SGCZ: variants seen among roughly 807,000 people sequenced by gnomAD.
SGCZ encodes zeta-sarcoglycan.
Under a neutral mutation model 41.3 loss-of-function variants are expected in SGCZ, and 40 were observed. That is an observed-to-expected ratio of 0.97 (90% CI 0.75 to 1.26). The LOEUF (loss-of-function observed/expected upper bound fraction) is 1.26. Among genes scored for constraint, SGCZ ranks in the 50% most tolerant of loss-of-function variants. The probability of loss-of-function intolerance (pLI) is 0.00; values close to 1 mark genes in which losing one functional copy is unlikely to be tolerated. For synonymous variants in SGCZ, 206 were observed against 137.5 expected (o/e 1.50, Z -3.49); for missense variants, 552 against 369.8 (o/e 1.49, Z -4.04).
Position 14,482,880 on chromosome 8 carries a change from A to C in SGCZ, c.234+71852T>G, listed in dbSNP as rs529703564. Among the ~76,000 whole-genome samples, 4 of 152,030 alleles carry C rather than the reference A, an allele frequency of 2.6e-5. No individual in the cohort carries two copies. The East Asian group carries it at 7.8e-4, about 30-fold the overall frequency. On this transcript the variant is annotated intron_variant, in intron 2 of 7. Transcript: ENST00000382080. ...GGCCTTCAGACTTAGGCTGGAATTA[A>C]CACCACTGGCTCCCCTGGGTCTCCG...
At chr8:15,010,937 A>G (rs79226497) in intron 1 of SGCZ, among the ~76,000 whole-genome samples, 1,549 of 152,286 alleles carry the variant, frequency 0.01, 14 homozygotes, top group South Asian at 0.022. Context: ...TTGAGAGGCA[A>G]TGAAACTTCT....
At chr8:14,631,870 T>C (rs1289201584) in intron 1 of SGCZ, among the ~76,000 whole-genome samples, 1 of 152,126 alleles carries the variant, frequency 6.6e-6, no homozygotes, top group Non-Finnish European at 1.5e-5. Flanking sequence ...TTAGTCTCAA[T>C]TAATACACTA....
chr8:14,099,392 T>G (rs768280352), intron 7 of SGCZ, among the ~76,000 whole-genome samples: 2 of 152,184 alleles, frequency 1.3e-5, no homozygotes, highest in Admixed American at 6.6e-5. Context: ...CACTTATCCT[T>G]CTGTCACCTG....
chr8:15,179,761 G>C (rs1800109947), intron 1 of SGCZ, among the ~76,000 whole-genome samples: 1 of 152,146 alleles, frequency 6.6e-6, no homozygotes, highest in Non-Finnish European at 1.5e-5. Flanking sequence ...GAATTAACAA[G>C]ACATTAGGAA....
chr8:14,400,090 C>T (rs969290558), intron 2 of SGCZ, among the ~76,000 whole-genome samples: 1 of 151,960 alleles, frequency 6.6e-6, no homozygotes, highest in African/African-American at 2.4e-5. Context: ...TTATTCTGAA[C>T]ATTTTGCATA....
chr8:14,211,487 C>T (rs1046715156), intron 4 of SGCZ, among the ~76,000 whole-genome samples: 1 of 152,282 alleles, frequency 6.6e-6, no homozygotes, highest in Admixed American at 6.5e-5. Flanking sequence ...AGTTCTCACA[C>T]TGCTGTAAAG....
chr8:15,166,763 ATTG>A lies in SGCZ; in HGVS notation c.39+70819_39+70821del, dbSNP rs200513860. Among the ~76,000 whole-genome samples, 852 of 152,308 alleles carry A rather than the reference ATTG, an allele frequency of 5.6e-3. 4 individuals carry two copies. The highest frequency in any genetic ancestry group is 0.02 in the African/African-American group (813 of 41,566). Reference sequence around the variant, plus strand: ...CTGCACATTTTGCTATTCACAGACAATTGTTGTCTTGTTTTAATCCTCTTCAAG... The same window carrying A: ...CTGCACATTTTGCTATTCACAGACAATTGTCTTGTTTTAATCCTCTTCAAG... On this transcript the variant is annotated intron_variant, in intron 1 of 7. Coordinates refer to ENST00000382080, the MANE Select transcript of SGCZ (RefSeq NM_139167.4).
rs559424289 is a variant in SGCZ at position 14,763,834 on chromosome 8, G to C, written c.40-208908C>G. On this transcript the variant is annotated intron_variant, in intron 1 of 7. Coordinates refer to ENST00000382080, the MANE Select transcript of SGCZ (RefSeq NM_139167.4). ...ATTGAAGATATTTTGTATATTATAA[G>C]TGAATAAGGACACAGATAGTTAGGA... is the stretch of plus-strand genomic sequence containing the variant. Among the ~76,000 whole-genome samples the C allele has an allele frequency of 2.0e-4, 30 of 152,316 alleles. No homozygotes were observed. In the South Asian group the frequency reaches 6.2e-3, roughly 32 times the overall value.
chr8:14,611,020 A>G (rs1201142123), intron 1 of SGCZ, among the ~76,000 whole-genome samples: 1 of 152,210 alleles, frequency 6.6e-6, no homozygotes, highest in Non-Finnish European at 1.5e-5. Flanking sequence ...TTTTTTCATA[A>G]TTAAAAAAGC....
chr8:14,459,716 T>C (rs1419340576), intron 2 of SGCZ, among the ~76,000 whole-genome samples: 7 of 152,082 alleles, frequency 4.6e-5, no homozygotes, highest in Non-Finnish European at 8.8e-5. Flanking sequence ...ACATGTATAT[T>C]TTGTAAGTCC....
intron 1 of SGCZ, among the ~76,000 whole-genome samples, chr8:14,645,477 T>TA (rs1180972490): frequency 1.9e-4 from 20 of 104,894 alleles, no homozygotes; most frequent in South Asian, 9.5e-4. Context: ...TATATATATA[T>TA]TTATATGTAT....
chr8:14,153,318 C>T (rs193064103), intron 5 of SGCZ, among the ~76,000 whole-genome samples: 5 of 152,246 alleles, frequency 3.3e-5, no homozygotes, highest in South Asian at 2.1e-4. Context: ...ACACGAACCT[C>T]GGTCTGTAAG....
At chr8:14,670,272 T>C (rs1235435811) in intron 1 of SGCZ, among the ~76,000 whole-genome samples, 1 of 151,512 alleles carries the variant, frequency 6.6e-6, no homozygotes, top group Non-Finnish European at 1.5e-5. Context: ...TGGTTGGTGA[T>C]ATGAACACAT....
intron 2 of SGCZ, among the ~76,000 whole-genome samples, chr8:14,411,776 A>G (rs1418366002): frequency 1.3e-5 from 2 of 152,116 alleles, no homozygotes; most frequent in Non-Finnish European, 2.9e-5. Context: ...TCATCAATAA[A>G]ACTCACTGAC....
chr8:14,571,323 G>A (rs780063432), intron 1 of SGCZ, among the ~76,000 whole-genome samples: 1 of 152,076 alleles, frequency 6.6e-6, no homozygotes, highest in Non-Finnish European at 1.5e-5. Flanking sequence ...ATTTGGGTGG[G>A]GACACAGAGC....
At chr8:14,570,167 A>G (rs2117228832) in intron 1 of SGCZ, among the ~76,000 whole-genome samples, 1 of 152,292 alleles carries the variant, frequency 6.6e-6, no homozygotes, top group South Asian at 2.1e-4. Context: ...TTACACATGT[A>G]ACTCCTTCAA....
At chr8:14,975,732 T>C (rs1314048453) in intron 1 of SGCZ, among the ~76,000 whole-genome samples, 9 of 151,580 alleles carry the variant, frequency 5.9e-5, no homozygotes, top group Admixed American at 5.3e-4. Context: ...TCTTACGAAA[T>C]AGTATGTTTT....
chr8:15,226,680 G>A (rs1223949008), intron 1 of SGCZ, among the ~76,000 whole-genome samples: 1 of 152,068 alleles, frequency 6.6e-6, no homozygotes, highest in Non-Finnish European at 1.5e-5. Context: ...ATCCCTTCAC[G>A]TTAATTCCAA....
At chr8:15,002,703 G>C (rs17608712) in intron 1 of SGCZ, among the ~76,000 whole-genome samples, 23,517 of 152,058 alleles carry the variant, frequency 0.15, 1,993 homozygotes, top group Admixed American at 0.22. Flanking sequence ...TCTTAAAATA[G>C]AACCACCGTC....
Sources: gnomAD v4.1 joint callset for allele counts (sites outside exome capture counted in the v4.1 genomes callset) on GRCh38, gnomAD v4.1.1 for gene constraint, MANE v1.5 for transcripts, NCBI Gene and HGNC (gene_info 2026-07-23, HGNC 2026-07-21) for gene names.